Variants in RASA1 observed in about 807,000 individuals in gnomAD.
RASA1 encodes RAS p21 protein activator 1, also known as ras GTPase-activating protein 1.
In RASA1, 25 loss-of-function variants were observed where a neutral mutation model predicts 132.2. The observed-to-expected ratio is 0.19, with a 90% confidence interval of 0.14 to 0.26. The LOEUF is 0.26. RASA1 is among the 10% of genes least tolerant of loss of function. The pLI, the probability that RASA1 is intolerant of heterozygous loss-of-function variation, is 1.00. For missense variants in RASA1, 964 were observed against 1,299.2 expected (o/e 0.74, Z 3.97); for synonymous variants, 477 against 449.9 (o/e 1.06, Z -0.76).
intron 7 of RASA1, 93 bp downstream of exon 7, chr5:87,346,817 A>G (rs1758897172): frequency 4.1e-6 from 4 of 975,904 alleles, no homozygotes; most frequent in Middle Eastern, 2.2e-4. Flanking sequence ...TTTAGCATTC[A>G]GTTAGTGTTT....
intron 1 of RASA1, among the ~76,000 whole-genome samples, chr5:87,271,555 G>GCCCCCCCCCCCCCCCCCCCC (rs1753840942): frequency 7.7e-6 from 1 of 130,114 alleles, no homozygotes; most frequent in African/African-American, 2.9e-5. Context: ...TGCAAGCTCC[G>GCCCCCCCCCCCCCCCCCCCC]CCCCGCCCCT....
At chr5:87,278,906 GTTC>G (rs1754186630) in intron 1 of RASA1, among the ~76,000 whole-genome samples, 1 of 60,838 alleles carries the variant, frequency 1.6e-5, no homozygotes, top group Non-Finnish European at 3.3e-5. Context: ...CTGCTAATTT[GTTC>G]TTTTTTTTTT....
chr5:87,367,387 G>A (rs1016459236), intron 11 of RASA1, among the ~76,000 whole-genome samples: 2 of 152,156 alleles, frequency 1.3e-5, no homozygotes, highest in African/African-American at 4.8e-5. Flanking sequence ...AACCTGATAT[G>A]CTGACCTTTA....
chr5:87,312,135 A>T (rs1323010245), intron 1 of RASA1, among the ~76,000 whole-genome samples: 1 of 152,272 alleles, frequency 6.6e-6, no homozygotes, highest in Non-Finnish European at 1.5e-5. Context: ...AGTAAATGAT[A>T]GACCAGTGGA....
At position 87,383,919 on chromosome 5, in the gene RASA1, C is replaced by T. The variant is rs896977842; in HGVS notation, c.2758+139C>T. 7 of 750,742 alleles carry T rather than the reference C, an allele frequency of 9.3e-6. No homozygotes were observed. In the African/African-American group the frequency reaches 1.1e-4, roughly 12 times the overall value. 46.5% of individuals were successfully genotyped at this position (750,742 alleles called of 1,614,324 possible). On this transcript the variant is annotated intron_variant, in intron 21 of 24. Coordinates refer to ENST00000274376, the MANE Select transcript of RASA1 (RefSeq NM_002890.3). ...GGCATATATGAAGTATTCCAAAGCA[C>T]CCTTCCTTCCTTGTGCTTGTGCTTC...
intron 1 of RASA1, among the ~76,000 whole-genome samples, chr5:87,291,194 A>G (rs1205113600): frequency 6.6e-6 from 1 of 152,072 alleles, no homozygotes; most frequent in Non-Finnish European, 1.5e-5. Context: ...TTTTCTAATC[A>G]CATATGATGA....
At chr5:87,284,299 C>A (rs1052722182) in intron 1 of RASA1, among the ~76,000 whole-genome samples, 23 of 152,156 alleles carry the variant, frequency 1.5e-4, no homozygotes, top group African/African-American at 5.5e-4. Flanking sequence ...TTCTTTCATA[C>A]ATTATGTCAC....
At chr5:87,362,335 A>G (rs553104916) in intron 9 of RASA1, among the ~76,000 whole-genome samples, 2 of 152,314 alleles carry the variant, frequency 1.3e-5, no homozygotes, top group African/African-American at 4.8e-5. Flanking sequence ...GGGATTGGCA[A>G]GGAAACCTTT....
rs576682118 is a variant in RASA1, at chr5:87,319,251, G to A, written c.540-12097G>A. ...CTGTCAGTGGATCTACCCTTGTGGG[G>A]TCTGGAGGATGATGGCCCTCTTCCC... On this transcript the variant is annotated intron_variant, in intron 1 of 24. Coordinates refer to ENST00000274376, the MANE Select transcript of RASA1 (RefSeq NM_002890.3). Among the ~76,000 whole-genome samples, 36 of 152,356 alleles carry A rather than the reference G, an allele frequency of 2.4e-4. No individual in the cohort carries two copies. In the South Asian group the frequency reaches 6.2e-3, roughly 26 times the overall value.
chr5:87,311,834 A>G (rs1003407742), intron 1 of RASA1, among the ~76,000 whole-genome samples: 1 of 152,214 alleles, frequency 6.6e-6, no homozygotes, highest in East Asian at 1.9e-4. Context: ...CATTGTTAGC[A>G]TAATCTGTAT....
At chr5:87,273,269 A>G (rs994572789) in intron 1 of RASA1, among the ~76,000 whole-genome samples, 6 of 152,178 alleles carry the variant, frequency 3.9e-5, no homozygotes, top group Non-Finnish European at 7.3e-5. Context: ...GGAAATGTTT[A>G]TGTAATTTGT....
At chr5:87,282,603 C>T (rs937155602) in intron 1 of RASA1, among the ~76,000 whole-genome samples, 4 of 152,264 alleles carry the variant, frequency 2.6e-5, no homozygotes, top group Non-Finnish European at 4.4e-5. Flanking sequence ...TCTCCAAATA[C>T]GGATGTTTTC....
intron 23 of RASA1, among the ~76,000 whole-genome samples, chr5:87,388,958 T>C (rs1036309152): frequency 2.0e-5 from 3 of 152,160 alleles, no homozygotes; most frequent in Non-Finnish European, 4.4e-5. Context: ...GCAATAATAT[T>C]GTACACATCT....
At chr5:87,329,554 C>T (rs2112360657) in intron 1 of RASA1, among the ~76,000 whole-genome samples, 1 of 152,250 alleles carries the variant, frequency 6.6e-6, no homozygotes, top group Non-Finnish European at 1.5e-5. Context: ...CCTCATGTAT[C>T]TCTGTGTATC....
chr5:87,386,717 A>G (rs1052461840), intron 22 of RASA1, 109 bp from the exon 23 acceptor site: 10 of 883,744 alleles, frequency 1.1e-5, no homozygotes, highest in Admixed American at 7.1e-5. Flanking sequence ...AATTTGGTGC[A>G]ATAGTAATTG....
intron 9 of RASA1, among the ~76,000 whole-genome samples, chr5:87,354,082 C>T (rs1759475431): frequency 6.6e-6 from 1 of 151,996 alleles, no homozygotes; most frequent in Non-Finnish European, 1.5e-5. Context: ...GATGTTTCCT[C>T]CTAACAAATT....
At chr5:87,295,942 G>C (rs1755100355) in intron 1 of RASA1, among the ~76,000 whole-genome samples, 1 of 151,784 alleles carries the variant, frequency 6.6e-6, no homozygotes, top group Non-Finnish European at 1.5e-5. Context: ...TCAGCCTCTG[G>C]GGTAGCTGGG....
chr5:87,376,570 TA>T lies in RASA1; in HGVS notation c.2184+8del. 3 of 1,611,158 alleles carry T rather than the reference TA, an allele frequency of 1.9e-6. No homozygotes were observed. In the East Asian group the frequency reaches 6.7e-5, roughly 36 times the overall value. On this transcript the variant is annotated splice_donor_region_variant and intron_variant, in intron 16 of 24. Transcript: ENST00000274376. ...GAGTACAGTGAATTTAAAGAGGTAT[TA>T]AATTATTTATCAGTCTTGTTTTTGT...
intron 1 of RASA1, among the ~76,000 whole-genome samples, chr5:87,292,598 T>C (rs1754956065): frequency 6.6e-6 from 1 of 152,158 alleles, no homozygotes; most frequent in African/African-American, 2.4e-5. Flanking sequence ...TGTCAATCCC[T>C]CCGACTTTTT....
Sources: allele counts gnomAD v4.1 joint callset (sites outside exome capture counted in the v4.1 genomes callset), GRCh38; gene constraint gnomAD v4.1.1; transcripts MANE v1.5; gene names NCBI Gene and HGNC (gene_info 2026-07-23, HGNC 2026-07-21).